Variants in FHIT observed in about 807,000 individuals in gnomAD.
The protein encoded by FHIT is fragile histidine triad diadenosine triphosphatase, also known as bis(5'-adenosyl)-triphosphatase.
In FHIT, 19 loss-of-function variants were observed where a neutral mutation model predicts 17.9. That is an observed-to-expected ratio of 1.06 (90% CI 0.74 to 1.56). The LOEUF is 1.56. Ranked by LOEUF, FHIT falls within the 40% of genes most tolerant of loss-of-function variation. The probability of loss-of-function intolerance (pLI) is 0.00; values close to 1 mark genes in which losing one functional copy is unlikely to be tolerated. For synonymous variants in FHIT, 81 were observed against 69.7 expected, an observed-to-expected ratio of 1.16 and a Z score of -0.81; for missense variants, 248 against 189.2, an observed-to-expected ratio of 1.31 and a Z score of -1.82.
chr3:61,132,977 A>T (rs1462534910), intron 2 of FHIT, among the ~76,000 whole-genome samples: 1 of 152,248 alleles, frequency 6.6e-6, no homozygotes, highest in African/African-American at 2.4e-5. Flanking sequence ...TGAGAACAGA[A>T]TATAGAAAAC....
chr3:60,975,063 A>C (rs2107538072), intron 3 of FHIT, among the ~76,000 whole-genome samples: 1 of 152,308 alleles, frequency 6.6e-6, no homozygotes, highest in Non-Finnish European at 1.5e-5. Flanking sequence ...CCCAGGAGAA[A>C]GGCTGCAAAT....
intron 5 of FHIT, among the ~76,000 whole-genome samples, chr3:60,081,812 C>T (rs1036656940): frequency 2.6e-5 from 4 of 152,026 alleles, no homozygotes; most frequent in African/African-American, 9.7e-5. Context: ...GCCATGCATG[C>T]CAGGCATCTT....
At chr3:60,823,592 A>G (rs1246938359) in intron 3 of FHIT, among the ~76,000 whole-genome samples, 1 of 152,154 alleles carries the variant, frequency 6.6e-6, no homozygotes, top group African/African-American at 2.4e-5. Context: ...AAGTTAGGAA[A>G]AGGCAAAGAA....
intron 8 of FHIT, among the ~76,000 whole-genome samples, chr3:59,790,530 G>C (rs482814): frequency 0.56 from 64,520 of 116,142 alleles, 13,820 homozygotes; most frequent in East Asian, 0.62. Context: ...CTCTCTCTCT[G>C]TGTGTGTGTG....
At chr3:60,916,824 C>T (rs1270463584) in intron 3 of FHIT, among the ~76,000 whole-genome samples, 2 of 152,116 alleles carry the variant, frequency 1.3e-5, no homozygotes, top group African/African-American at 2.4e-5. Flanking sequence ...GCTATAATAG[C>T]ATGCAGTAGT....
At chr3:60,397,901 A>C (rs934181444) in intron 5 of FHIT, among the ~76,000 whole-genome samples, 2 of 151,950 alleles carry the variant, frequency 1.3e-5, no homozygotes, top group Admixed American at 6.6e-5. Flanking sequence ...CTTTGCTTTA[A>C]CCTTTTTTGC....
At chr3:61,241,815 T>C (rs190367176) in intron 1 of FHIT, among the ~76,000 whole-genome samples, 2 of 152,328 alleles carry the variant, frequency 1.3e-5, no homozygotes, top group Admixed American at 1.3e-4. Flanking sequence ...GTTTCTCAAT[T>C]TTCTCTTCTA....
At chr3:60,539,812 G>A (rs1457795678) in intron 4 of FHIT, among the ~76,000 whole-genome samples, 1 of 151,930 alleles carries the variant, frequency 6.6e-6, no homozygotes, top group Non-Finnish European at 1.5e-5. Flanking sequence ...GAGGGTGGAG[G>A]GATAGCATTA....
chr3:60,397,083 G>T (rs1015649752), intron 5 of FHIT, among the ~76,000 whole-genome samples: 13 of 152,166 alleles, frequency 8.5e-5, no homozygotes, highest in Non-Finnish European at 1.6e-4. Flanking sequence ...AAACTACATA[G>T]AAAATGTATT....
intron 5 of FHIT, among the ~76,000 whole-genome samples, chr3:60,190,715 GTAAC>G (rs1702364458): frequency 6.6e-6 from 1 of 152,040 alleles, no homozygotes; most frequent in South Asian, 2.1e-4. Flanking sequence ...GTATACATAT[GTAAC>G]TAACCTGCAC....
At position 60,668,428 on chromosome 3, in the gene FHIT, GGCTTGGAC is replaced by G. The variant is rs2040431366; in HGVS notation, c.-17-131457_-17-131450del. On this transcript the variant is annotated intron_variant, in intron 4 of 9. Transcript: ENST00000492590. ...CTCCCTGAGCTGCTTCTTGTTGCCA[GGCTTGGAC>G]TTAGGAAACACTCAGTTAGGAAACA... Among the ~76,000 whole-genome samples the G allele has an allele frequency of 8.7e-5, 13 of 149,660 alleles. No individual in the cohort carries two copies. The South Asian group carries it at 2.8e-3, about 32-fold the overall frequency.
In FHIT at chr3:60,910,831, T is replaced by A. The variant is rs75842399; in HGVS notation, c.-110-88820A>T. On this transcript the variant is annotated intron_variant, in intron 3 of 9. Coordinates refer to ENST00000492590, the MANE Select transcript of FHIT (RefSeq NM_002012.4). ...TAGATTCACCCCTGGGAGAGACAGT[T>A]GTGAAGATACAATAAGGCACACATA... Among the ~76,000 whole-genome samples, 74 of 152,280 alleles carry A rather than the reference T, an allele frequency of 4.9e-4. No individual in the cohort carries two copies. The East Asian group carries it at 0.014, about 28-fold the overall frequency.
chr3:60,717,772 A>G (rs1232246528), intron 4 of FHIT, among the ~76,000 whole-genome samples: 2 of 152,184 alleles, frequency 1.3e-5, no homozygotes, highest in East Asian at 3.9e-4. Context: ...ACCTAATTAG[A>G]AACCTGAGCA....
intron 5 of FHIT, among the ~76,000 whole-genome samples, chr3:60,181,689 G>C (rs1485654842): frequency 6.6e-6 from 1 of 152,156 alleles, no homozygotes; most frequent in African/African-American, 2.4e-5. Context: ...ATACAGATTT[G>C]TGATCTGGTC....
chr3:60,660,739 T>TTTTTTTTTTTTTTTTTTTTTTG (rs2040227611), intron 4 of FHIT, among the ~76,000 whole-genome samples: 1 of 137,964 alleles, frequency 7.2e-6, no homozygotes, highest in Non-Finnish European at 1.6e-5. Context: ...CTTTTTTTTT[T>TTTTTTTTTTTTTTTTTTTTTTG]TTTTTTTTTT....
chr3:60,678,811 T>C (rs943897785), intron 4 of FHIT, among the ~76,000 whole-genome samples: 1 of 152,164 alleles, frequency 6.6e-6, no homozygotes, highest in Non-Finnish European at 1.5e-5. Flanking sequence ...TGGGGACAGA[T>C]AGCTCTTTCT....
At chr3:59,949,238 A>G (rs901125188) in intron 7 of FHIT, among the ~76,000 whole-genome samples, 4 of 152,208 alleles carry the variant, frequency 2.6e-5, no homozygotes, top group Non-Finnish European at 5.9e-5. Context: ...TTCAACTACG[A>G]GTGATCTCTT....
chr3:60,586,695 A>T (rs2037918649), intron 4 of FHIT, among the ~76,000 whole-genome samples: 1 of 152,022 alleles, frequency 6.6e-6, no homozygotes, highest in Admixed American at 6.6e-5. Context: ...TTTTGCAGAA[A>T]TGTGGATAGA....
chr3:60,372,585 C>T (rs1054269449), intron 5 of FHIT, among the ~76,000 whole-genome samples: 5 of 152,132 alleles, frequency 3.3e-5, no homozygotes, highest in East Asian at 1.9e-4. Context: ...AGTACAAGTT[C>T]GGGCCGATCT....
Sources: allele counts gnomAD v4.1 joint callset (sites outside exome capture counted in the v4.1 genomes callset), GRCh38; gene constraint gnomAD v4.1.1; transcripts MANE v1.5; gene names NCBI Gene and HGNC (gene_info 2026-07-23, HGNC 2026-07-21).